Variants in ASIC2 observed in about 807,000 individuals in gnomAD.
ASIC2 encodes acid sensing ion channel subunit 2.
ASIC2 carries 25 observed loss-of-function variants against 57.3 expected under a neutral mutation model. The ratio of observed to expected loss-of-function variants is 0.44; its 90% CI spans 0.32 to 0.61. The LOEUF (loss-of-function observed/expected upper bound fraction) is 0.61, where lower values mean the gene tolerates loss of function less well. ASIC2 is among the 20% of genes least tolerant of loss of function. ASIC2 has a pLI of 0.06. For synonymous variants in ASIC2, 319 were observed against 307.5 expected, an observed-to-expected ratio of 1.04 and a Z score of -0.39; for missense variants, 641 against 738.1, an observed-to-expected ratio of 0.87 and a Z score of 1.52.
At chr17:33,098,641 C>A (rs2092194842) in intron 2 of ASIC2, among the ~76,000 whole-genome samples, 2 of 152,174 alleles carry the variant, frequency 1.3e-5, no homozygotes, top group South Asian at 4.2e-4. Flanking sequence ...AACTTCAGCC[C>A]CTCCTGCAAA....
intron 1 of ASIC2, among the ~76,000 whole-genome samples, chr17:34,064,406 C>A (rs997876585): frequency 3.3e-5 from 5 of 152,138 alleles, no homozygotes; most frequent in Admixed American, 1.3e-4. Context: ...AAACCTAAGA[C>A]CTGAAACTGT....
intron 1 of ASIC2, chr17:34,038,464 A>G: frequency 6.2e-7 from 1 of 1,612,262 alleles, no homozygotes; most frequent in South Asian, 1.1e-5. Flanking sequence ...TTAACTGGTG[A>G]ATTTTCACAG....
chr17:33,276,913 G>A (rs954517706), intron 1 of ASIC2, among the ~76,000 whole-genome samples: 1 of 152,068 alleles, frequency 6.6e-6, no homozygotes, highest in East Asian at 1.9e-4. Flanking sequence ...GGTCTGTCTG[G>A]GGACAGAGGC....
At chr17:33,620,760 A>G (rs1905767124) in intron 1 of ASIC2, among the ~76,000 whole-genome samples, 1 of 152,202 alleles carries the variant, frequency 6.6e-6, no homozygotes, top group South Asian at 2.1e-4. Flanking sequence ...TCAGACTGTA[A>G]TGCTCAGTAA....
intron 1 of ASIC2, among the ~76,000 whole-genome samples, chr17:33,186,589 T>G (rs941525392): frequency 6.6e-6 from 1 of 152,170 alleles, no homozygotes; most frequent in Non-Finnish European, 1.5e-5. Flanking sequence ...ACTTGCAACA[T>G]CAACAACACA....
chr17:33,087,854 C>T (rs11650626), intron 3 of ASIC2, among the ~76,000 whole-genome samples: 6 of 151,866 alleles, frequency 4.0e-5, no homozygotes, highest in Admixed American at 6.6e-5. Flanking sequence ...CCACCGTGCC[C>T]GGCCCTACAA....
At chr17:34,099,108 G>GA (rs796665578) in intron 1 of ASIC2, among the ~76,000 whole-genome samples, 3 of 26,730 alleles carry the variant, frequency 1.1e-4, no homozygotes, top group Admixed American at 5.2e-4. Context: ...AGAAAAGAGA[G>GA]AGAGAGAGAG....
intron 1 of ASIC2, among the ~76,000 whole-genome samples, chr17:33,312,379 A>AG (rs1362904943): frequency 6.6e-6 from 1 of 152,130 alleles, no homozygotes; most frequent in African/African-American, 2.4e-5. Context: ...CATGGATCCA[A>AG]GTTAGGAAGT....
chr17:33,233,962 G>A (rs1222768618), intron 1 of ASIC2, among the ~76,000 whole-genome samples: 2 of 152,244 alleles, frequency 1.3e-5, no homozygotes, highest in Non-Finnish European at 2.9e-5. Flanking sequence ...AAAAGGGAAA[G>A]TAGGTCATGG....
chr17:33,569,097 T>C (rs998890321), intron 1 of ASIC2: 5 of 152,276 alleles, frequency 3.3e-5, no homozygotes, highest in Admixed American at 3.3e-4. Flanking sequence ...ATGGTGTCAG[T>C]TATACATAGC....
At chr17:33,735,110 C>A (rs1411132722) in intron 1 of ASIC2, among the ~76,000 whole-genome samples, 4 of 152,158 alleles carry the variant, frequency 2.6e-5, no homozygotes, top group African/African-American at 9.7e-5. Context: ...GTTTCTGTGA[C>A]TGTCATATCT....
intron 1 of ASIC2, among the ~76,000 whole-genome samples, chr17:33,234,653 AG>A (rs1174506127): frequency 2.6e-5 from 4 of 152,236 alleles, no homozygotes; most frequent in African/African-American, 7.2e-5. Context: ...TCCAAGATCA[AG>A]GCACCAGCAG....
At chr17:33,624,985 G>A (rs1261608002) in intron 1 of ASIC2, among the ~76,000 whole-genome samples, 1 of 152,216 alleles carries the variant, frequency 6.6e-6, no homozygotes, top group Non-Finnish European at 1.5e-5. Context: ...ATGACTCTCA[G>A]TGAGCACTGC....
intron 1 of ASIC2, among the ~76,000 whole-genome samples, chr17:33,904,161 C>T (rs751410955): frequency 1.1e-4 from 3 of 28,406 alleles, no homozygotes; most frequent in Non-Finnish European, 1.8e-4. Context: ...GAAACTCCGT[C>T]TCAAAAAAAA....
At chr17:33,098,598 C>T (rs2092194515) in intron 2 of ASIC2, among the ~76,000 whole-genome samples, 2 of 152,178 alleles carry the variant, frequency 1.3e-5, no homozygotes, top group African/African-American at 4.8e-5. Context: ...GGAGATGCTA[C>T]CAAGTGTCCA....
chr17:33,897,599 A>C (rs1346896407), intron 1 of ASIC2, among the ~76,000 whole-genome samples: 1 of 152,270 alleles, frequency 6.6e-6, no homozygotes, highest in Non-Finnish European at 1.5e-5. Flanking sequence ...ATGGCGGCAC[A>C]GTGGTAAAAC....
chr17:33,176,806 C>A (rs1042654436), intron 1 of ASIC2, among the ~76,000 whole-genome samples: 1 of 152,166 alleles, frequency 6.6e-6, no homozygotes, highest in South Asian at 2.1e-4. Context: ...CTAATGCTGT[C>A]CCCAGAACCC....
chr17:33,350,553 G>A (rs749915763), intron 1 of ASIC2, among the ~76,000 whole-genome samples: 15 of 151,824 alleles, frequency 9.9e-5, no homozygotes, highest in East Asian at 1.9e-4. Context: ...CGTGGTGTGC[G>A]CACCTGTAGT....
chr17:33,145,616 C>A (rs1360471325), intron 1 of ASIC2, among the ~76,000 whole-genome samples: 1 of 152,194 alleles, frequency 6.6e-6, no homozygotes, highest in Non-Finnish European at 1.5e-5. Flanking sequence ...TTACCTATTT[C>A]CGTATTTCTG....
Sources: gnomAD v4.1 joint callset for allele counts (sites outside exome capture counted in the v4.1 genomes callset) on GRCh38, gnomAD v4.1.1 for gene constraint, MANE v1.5 for transcripts, NCBI Gene and HGNC (gene_info 2026-07-23, HGNC 2026-07-21) for gene names.